VWA5B1: variants seen among roughly 807,000 people sequenced by gnomAD.
The protein encoded by VWA5B1 is von Willebrand factor A domain containing 5B1.
A neutral mutation model predicts 118.2 loss-of-function variants in VWA5B1; 115 were observed. That is an observed-to-expected ratio of 0.97 (90% CI 0.84 to 1.14). VWA5B1 has a LOEUF of 1.14. Among genes scored for constraint, VWA5B1 ranks in the 50% most tolerant of loss-of-function variants. The probability of loss-of-function intolerance (pLI) is 0.00; values close to 1 mark genes in which losing one functional copy is unlikely to be tolerated. For missense variants in VWA5B1, 1,596 were observed against 1,603.8 expected (o/e 1.00, Z 0.08); for synonymous variants, 682 against 658.4 (o/e 1.04, Z -0.55).
At chr1:20,335,648 A>G (rs2089693469) in intron 12 of VWA5B1, among the ~76,000 whole-genome samples, 1 of 152,248 alleles carries the variant, frequency 6.6e-6, no homozygotes, top group Non-Finnish European at 1.5e-5. Flanking sequence ...TATGTGCTGT[A>G]TTCTTACAAT....
intron 8 of VWA5B1, among the ~76,000 whole-genome samples, chr1:20,326,448 G>T (rs2089383677): frequency 6.6e-6 from 1 of 152,050 alleles, no homozygotes; most frequent in Non-Finnish European, 1.5e-5. Context: ...AAAAATCTCA[G>T]AACTGTGGGG....
chr1:20,354,158 G>A lies in VWA5B1; in HGVS notation c.3543G>A (p.Thr1181=), dbSNP rs371978257. Residue 1181 remains threonine, a synonymous_variant, in exon 22 of 22, where the codon ACG becomes ACA. Coordinates refer to ENST00000289815, the MANE Select transcript of VWA5B1 (RefSeq NM_001039500.3). ...LEQQEVPEGR[T]QGTLKAAARQ... ...AGCAGGAAGTACCCGAGGGCCGCAC[G>A]CAGGGCACACTCAAGGCCGCTGCCC... 2.4e-5 allele frequency: 37 copies of A among 1,551,210 alleles called. No homozygotes were observed. The highest frequency in any genetic ancestry group is 3.1e-5 in the Non-Finnish European group (35 of 1,147,010).
Position 20,336,393 on chromosome 1 carries a change from G to A in VWA5B1, c.1849G>A (p.Gly617Ser). ...HSQDDGPGLE[G>S]GDCAKNSGAP... ...TCAGGATGACGGACCCGGGCTGGAA[G>A]GTGGAGACTGTGCCAAGAACTCGGG... The change falls in exon 13 of 22, where the codon GGT (glycine) becomes AGT (serine). Residue 617 changes from glycine (G) to serine (S), a missense_variant. By Grantham distance (56) the Gly-to-Ser change is moderately conservative. Transcript: ENST00000289815. 6.5e-7 allele frequency: 1 copy of A among 1,527,938 alleles called. No homozygotes were observed. Among genetic ancestry groups the A allele is most frequent in the Non-Finnish European group, 8.8e-7 (1 of 1,134,922 alleles). The allele number at this position is 1,527,938 out of a possible 1,614,324, so 94.6% of individuals were successfully genotyped here. A position where few individuals can be genotyped will look rare whatever the true frequency, so the allele number is the denominator to read the frequency against.
Position 20,337,717 on chromosome 1 carries a change from G to A in VWA5B1, c.2014G>A (p.Ala672Thr). 1 of 1,551,696 alleles carries A rather than the reference G, an allele frequency of 6.4e-7. No homozygotes were observed. The highest frequency in any genetic ancestry group is 1.2e-5 in the South Asian group (1 of 84,060). The change falls in exon 14 of 22, where the codon GCC becomes ACC. Residue 672 changes from alanine (A) to threonine (T), a missense_variant. Ala to Thr is a moderately conservative substitution (Grantham distance 58). Coordinates refer to ENST00000289815, the MANE Select transcript of VWA5B1 (RefSeq NM_001039500.3). Reference sequence around the variant, plus strand: ...CACCAATCACAAGCCCCTCCCAAGAGCCACCATGGCAAGTGACCCCATGCC... The same window carrying A: ...CACCAATCACAAGCCCCTCCCAAGAACCACCATGGCAAGTGACCCCATGCC... ...QITNHKPLPR[A>T]TMASDPMPAA...
chr1:20,358,429 G>T lies in VWA5B1; in HGVS notation c.*4166G>T, dbSNP rs894563790. Reference sequence around the variant, plus strand: ...TGTTCCCCTTCTCTCTTCCTTGGCAGGGACTCCCCATGAGAGGGAAGGAGG... The same window carrying T: ...TGTTCCCCTTCTCTCTTCCTTGGCATGGACTCCCCATGAGAGGGAAGGAGG... On this transcript the variant is annotated 3_prime_UTR_variant, in exon 22 of 22. Coordinates refer to ENST00000289815, the MANE Select transcript of VWA5B1 (RefSeq NM_001039500.3). Among the ~76,000 whole-genome samples the T allele has an allele frequency of 6.6e-6, 1 of 152,180 alleles. No homozygotes were observed. Among genetic ancestry groups the T allele is most frequent in the Non-Finnish European group, 1.5e-5 (1 of 68,034 alleles).
At position 20,343,288 on chromosome 1, in the gene VWA5B1, G is replaced by A; in HGVS notation, c.2521G>A (p.Ala841Thr). 1 of 1,547,710 alleles carries A rather than the reference G, an allele frequency of 6.5e-7. No homozygotes were observed. The highest frequency in any genetic ancestry group is 8.7e-7 in the Non-Finnish European group (1 of 1,146,700). ...GACCCCTGGACCGGAGCGGGGCGGC[G>A]CGCAGGATGCCGACCTATGGAGCGA... ...LGTPGPERGGAQDADLWSETF... is the reference protein window; with the variant it reads ...LGTPGPERGGTQDADLWSETF... Residue 841 changes from alanine (A) to threonine (T), a missense_variant, in exon 16 of 22, where the codon GCG becomes ACG. Coordinates refer to ENST00000289815, the MANE Select transcript of VWA5B1 (RefSeq NM_001039500.3).
chr1:20,317,756 A>C, intron 5 of VWA5B1, 81 bp downstream of exon 5: 87 of 1,041,942 alleles, frequency 8.3e-5, no homozygotes, highest in Non-Finnish European at 1.1e-4. Context: ...GGGGGTGGGA[A>C]GGAAAGCCAA....
chr1:20,350,176 G>GCT lies in VWA5B1; in HGVS notation c.2904_2905dup (p.Phe969SerfsTer31). 6.4e-7 allele frequency: 1 copy of GCT among 1,551,200 alleles called. No individual in the cohort carries two copies. The highest frequency in any genetic ancestry group is 8.7e-7 in the Non-Finnish European group (1 of 1,146,972). On this transcript the variant is annotated frameshift_variant, in exon 19 of 22. Transcript: ENST00000289815. LOFTEE classifies it high-confidence loss of function. ...CCTAGACATGGAGGCAAGTCCCACTGCTCTCTTCAGCGAGGCCAGGTCCCC... is the reference window on the plus strand; with the variant it reads ...CCTAGACATGGAGGCAAGTCCCACTGCTCTCTCTTCAGCGAGGCCAGGTCCCC...
In VWA5B1 at chr1:20,357,213, C is replaced by T. The variant is rs996640418; in HGVS notation, c.*2950C>T. On this transcript the variant is annotated 3_prime_UTR_variant, in exon 22 of 22. Transcript: ENST00000289815. ...GGAACCCAAGCATGGGTCCCAACTC[C>T]ACCACTAGTGTGCTGTGTGACTTCT... Among the ~76,000 whole-genome samples the T allele has an allele frequency of 2.0e-5, 3 of 152,194 alleles. No homozygotes were observed. Among genetic ancestry groups the T allele is most frequent in the Non-Finnish European group, 4.4e-5 (3 of 68,036 alleles).
At chr1:20,313,883 G>C (rs1049411381) in intron 3 of VWA5B1, among the ~76,000 whole-genome samples, 9 of 152,180 alleles carry the variant, frequency 5.9e-5, no homozygotes, top group African/African-American at 2.2e-4. Context: ...GACCAGCCCA[G>C]ATCAGGGACC....
rs535719152 is a variant in VWA5B1 at position 20,319,695 on chromosome 1, C to T, written c.966+189C>T. 1.8e-4 allele frequency among the ~76,000 whole-genome samples: 27 copies of T among 152,286 alleles called. 1 individual carries two copies. In the South Asian group the frequency reaches 2.7e-3, roughly 15 times the overall value. ...CACTGCAGGGCACTTTCAAATGCCC[C>T]GTCATCCTGGCTCTATTCCCGCCTC... On this transcript the variant is annotated intron_variant, in intron 7 of 21. Coordinates refer to ENST00000289815, the MANE Select transcript of VWA5B1 (RefSeq NM_001039500.3).
chr1:20,315,321 G>A (rs2088972458), intron 4 of VWA5B1, among the ~76,000 whole-genome samples: 1 of 152,208 alleles, frequency 6.6e-6, no homozygotes, highest in East Asian at 1.9e-4. Flanking sequence ...CTTTGGCCCT[G>A]GCTAAGACTG....
Position 20,355,525 on chromosome 1 carries a change from C to A in VWA5B1, c.*1262C>A, listed in dbSNP as rs944690367. ...GGCTGAATCTATCCACCCTCGAAGC[C>A]CCCTCCTTCAAGGCCTTAATCTCTC... On this transcript the variant is annotated 3_prime_UTR_variant, in exon 22 of 22. Coordinates refer to ENST00000289815, the MANE Select transcript of VWA5B1 (RefSeq NM_001039500.3). Among the ~76,000 whole-genome samples, 3 of 152,240 alleles carry A rather than the reference C, an allele frequency of 2.0e-5. No homozygotes were observed. The highest frequency in any genetic ancestry group is 4.4e-5 in the Non-Finnish European group (3 of 68,038).
chr1:20,294,382 G>C (rs2088365982), intron 1 of VWA5B1: 1 of 152,228 alleles, frequency 6.6e-6, no homozygotes, highest in African/African-American at 2.4e-5. Context: ...GTTAGACATG[G>C]GGGTTGGGGA....
At chr1:20,324,551 C>T (rs1191797270) in intron 8 of VWA5B1, among the ~76,000 whole-genome samples, 1 of 152,170 alleles carries the variant, frequency 6.6e-6, no homozygotes, top group African/African-American at 2.4e-5. Context: ...GCATAAAAAG[C>T]CTTCTATCTC....
In VWA5B1 at chr1:20,331,315, A is replaced by T. The variant is rs537364253; in HGVS notation, c.1572+332A>T. ...TCTGGACATGTTCCTGATGATGACAAATGGTGGCTCAGAAGAATCTAAAGA... is the reference window on the plus strand; with the variant it reads ...TCTGGACATGTTCCTGATGATGACATATGGTGGCTCAGAAGAATCTAAAGA... On this transcript the variant is annotated intron_variant, in intron 11 of 21. Transcript: ENST00000289815. 5.3e-5 allele frequency among the ~76,000 whole-genome samples: 8 copies of T among 152,366 alleles called. No individual in the cohort carries two copies. The South Asian group carries it at 1.4e-3, about 28-fold the overall frequency.
intron 7 of VWA5B1, among the ~76,000 whole-genome samples, chr1:20,320,175 C>T (rs2089163240): frequency 6.6e-6 from 1 of 152,168 alleles, no homozygotes; most frequent in Non-Finnish European, 1.5e-5. Flanking sequence ...TTTCCATTAG[C>T]CCCCTTTTTA....
rs1199535737 is a variant in VWA5B1, at chr1:20,307,282, C to T, written c.-26-3294C>T. On this transcript the variant is annotated intron_variant, in intron 1 of 21. Coordinates refer to ENST00000289815, the MANE Select transcript of VWA5B1 (RefSeq NM_001039500.3). Reference sequence around the variant, plus strand: ...CTGTCCCTGGGTGTTTCCTGTGGCCCGCGCCCACCTGAGGCCCAGGTTGGG... The same window carrying T: ...CTGTCCCTGGGTGTTTCCTGTGGCCTGCGCCCACCTGAGGCCCAGGTTGGG... Among the ~76,000 whole-genome samples, 8 of 152,286 alleles carry T rather than the reference C, an allele frequency of 5.3e-5. No homozygotes were observed. The South Asian group carries it at 6.2e-4, about 12-fold the overall frequency.
chr1:20,330,499 A>C, intron 10 of VWA5B1, 117 bp downstream of exon 10: 4 of 1,250,944 alleles, frequency 3.2e-6, no homozygotes, highest in Non-Finnish European at 4.4e-6. Flanking sequence ...ACAATTCCCA[A>C]AGGGCTTTGC....
Sources: allele counts gnomAD v4.1 joint callset (sites outside exome capture counted in the v4.1 genomes callset), GRCh38; gene constraint gnomAD v4.1.1; transcripts MANE v1.5; gene names NCBI Gene and HGNC (gene_info 2026-07-23, HGNC 2026-07-21).